The following GNA14 variants were observed in gnomAD, a reference collection of about 807,000 sequenced individuals.
The protein encoded by GNA14 is G protein subunit alpha 14.
A neutral mutation model predicts 42.0 loss-of-function variants in GNA14; 50 were observed. The ratio of observed to expected loss-of-function variants is 1.19; its 90% confidence interval spans 0.95 to 1.51. GNA14 has a LOEUF of 1.51. Among genes scored for constraint, GNA14 ranks in the 40% most tolerant of loss-of-function variants. GNA14 has a pLI of 0.00. For missense variants in GNA14, 473 were observed against 446.2 expected (o/e 1.06, Z -0.54); for synonymous variants, 173 against 163.1 (o/e 1.06, Z -0.46).
intron 1 of GNA14, among the ~76,000 whole-genome samples, chr9:77,638,334 A>C (rs773315377): frequency 2.0e-5 from 3 of 152,274 alleles, no homozygotes; most frequent in Non-Finnish European, 4.4e-5. Flanking sequence ...CAATTCCAAG[A>C]TAACAGCTAT....
chr9:77,512,160 T>C (rs1837181626), intron 2 of GNA14, among the ~76,000 whole-genome samples: 2 of 151,704 alleles, frequency 1.3e-5, no homozygotes, highest in South Asian at 4.2e-4. Context: ...CACAGGCATG[T>C]ACACAAAAAT....
At chr9:77,494,097 A>G (rs1005858468) in intron 2 of GNA14, among the ~76,000 whole-genome samples, 4 of 151,774 alleles carry the variant, frequency 2.6e-5, no homozygotes, top group Non-Finnish European at 5.9e-5. Flanking sequence ...ATTTTTTTTA[A>G]TCTTTAGTAG....
chr9:77,519,280 G>A (rs1281915609), intron 2 of GNA14, among the ~76,000 whole-genome samples: 7 of 151,966 alleles, frequency 4.6e-5, no homozygotes, highest in Non-Finnish European at 7.4e-5. Context: ...GCGTGGTGGC[G>A]GGTGCCTGTA....
chr9:77,618,600 A>ATG (rs1206937514), intron 1 of GNA14, among the ~76,000 whole-genome samples: 3 of 13,384 alleles, frequency 2.2e-4, no homozygotes, highest in Admixed American at 7.9e-4. Flanking sequence ...ATATATATAT[A>ATG]TATATATATA....
At position 77,636,523 on chromosome 9, in the gene GNA14, A is replaced by G. The variant is rs1044831864; in HGVS notation, c.124+11147T>C. 2.3e-4 allele frequency among the ~76,000 whole-genome samples: 35 copies of G among 152,224 alleles called. 2 individuals are homozygous for G. The highest frequency in any genetic ancestry group is 1.5e-5 in the Non-Finnish European group (1 of 68,042). Reference sequence around the variant, plus strand: ...TAAAGAAAAGAGGTTTATTTGGCTCATGAATCTCATGGCTAGAAAGCTCAA... The same window carrying G: ...TAAAGAAAAGAGGTTTATTTGGCTCGTGAATCTCATGGCTAGAAAGCTCAA... On this transcript the variant is annotated intron_variant, in intron 1 of 6. Coordinates refer to ENST00000341700, the MANE Select transcript of GNA14 (RefSeq NM_004297.4).
chr9:77,431,451 T>C lies in GNA14; in HGVS notation c.465-2A>G. The C allele has an allele frequency of 1.9e-6, 3 of 1,601,748 alleles. No individual in the cohort carries two copies. Among genetic ancestry groups the C allele is most frequent in the Non-Finnish European group, 2.6e-6 (3 of 1,171,016 alleles). Reference sequence around the variant, plus strand: ...ATGCGGTCAATGTCAGTCAGGTAACTGTATATTAGAGAACGAGGAACTGAC... The same window carrying C: ...ATGCGGTCAATGTCAGTCAGGTAACCGTATATTAGAGAACGAGGAACTGAC... On this transcript the variant is annotated splice_acceptor_variant, in intron 3 of 6. Transcript: ENST00000341700. LOFTEE classifies it high-confidence loss of function.
intron 1 of GNA14, among the ~76,000 whole-genome samples, chr9:77,632,060 C>T (rs929400978): frequency 6.6e-6 from 1 of 152,212 alleles, no homozygotes; most frequent in Non-Finnish European, 1.5e-5. Context: ...AAAACCACAG[C>T]TGCAGACCCA....
rs562574134 is a variant in GNA14 at position 77,513,615 on chromosome 9, G to A, written c.309+15454C>T. 3.3e-5 allele frequency among the ~76,000 whole-genome samples: 5 copies of A among 152,258 alleles called. No homozygotes were observed. The South Asian group carries it at 8.3e-4, about 25-fold the overall frequency. On this transcript the variant is annotated intron_variant, in intron 2 of 6. Transcript: ENST00000341700. ...ACACACTCAATAATTCCGTGAGGAG[G>A]CACAGCAATTGCATGACACTCCTGG...
At chr9:77,430,724 A>T (rs1835535051) in intron 4 of GNA14, among the ~76,000 whole-genome samples, 1 of 152,244 alleles carries the variant, frequency 6.6e-6, no homozygotes, top group Admixed American at 6.5e-5. Context: ...TGAAATGTGC[A>T]GTGCTACATA....
intron 1 of GNA14, among the ~76,000 whole-genome samples, chr9:77,634,528 C>T: frequency 6.6e-6 from 1 of 150,962 alleles, no homozygotes; most frequent in Non-Finnish European, 1.5e-5. Context: ...AGGGAGGAGG[C>T]AAAAAGGCAG....
At chr9:77,609,542 C>T (rs1459195203) in intron 1 of GNA14, among the ~76,000 whole-genome samples, 2 of 152,158 alleles carry the variant, frequency 1.3e-5, no homozygotes, top group African/African-American at 2.4e-5. Flanking sequence ...TGGCAGCACA[C>T]CATCCTTGGT....
At chr9:77,477,368 GAA>G (rs764543525) in intron 2 of GNA14, among the ~76,000 whole-genome samples, 1 of 152,094 alleles carries the variant, frequency 6.6e-6, no homozygotes, top group Non-Finnish European at 1.5e-5. Flanking sequence ...AGGAAAAAAA[GAA>G]AGAAAACAGA....
At chr9:77,617,828 T>G (rs1823848053) in intron 1 of GNA14, among the ~76,000 whole-genome samples, 1 of 152,070 alleles carries the variant, frequency 6.6e-6, no homozygotes, top group Admixed American at 6.5e-5. Flanking sequence ...CCTGGTACAT[T>G]GTTCCCTGGG....
chr9:77,644,028 TA>T, intron 1 of GNA14, among the ~76,000 whole-genome samples: 1 of 152,330 alleles, frequency 6.6e-6, no homozygotes, highest in East Asian at 1.9e-4. Context: ...TGGCTGAATT[TA>T]GTCCTCCCGC....
chr9:77,581,191 C>T (rs897952411), intron 1 of GNA14, among the ~76,000 whole-genome samples: 2 of 152,028 alleles, frequency 1.3e-5, no homozygotes, highest in African/African-American at 2.4e-5. Flanking sequence ...TCCCATTTAC[C>T]GGGACCACAT....
At chr9:77,534,960 C>A (rs540453397) in intron 1 of GNA14, among the ~76,000 whole-genome samples, 2 of 152,200 alleles carry the variant, frequency 1.3e-5, no homozygotes, top group African/African-American at 2.4e-5. Flanking sequence ...AGTGAGCAGG[C>A]GCTCTGATGA....
At chr9:77,556,222 C>T (rs778522553) in intron 1 of GNA14, among the ~76,000 whole-genome samples, 22 of 152,026 alleles carry the variant, frequency 1.4e-4, no homozygotes, top group East Asian at 7.7e-4. Context: ...ACAGTCTGGG[C>T]GACAATGTGA....
chr9:77,512,901 T>A lies in GNA14; in HGVS notation c.309+16168A>T, dbSNP rs559975449. 1.2e-4 allele frequency among the ~76,000 whole-genome samples: 19 copies of A among 152,348 alleles called. No homozygotes were observed. The South Asian group carries it at 3.7e-3, about 30-fold the overall frequency. ...TTCAATTAGCAAAATAAATTTGAAA[T>A]AATCTCTGGCTTGTTTACTTCTCTT... On this transcript the variant is annotated intron_variant, in intron 2 of 6. Transcript: ENST00000341700.
chr9:77,488,424 A>G (rs1836697555), intron 2 of GNA14, among the ~76,000 whole-genome samples: 2 of 152,172 alleles, frequency 1.3e-5, no homozygotes, highest in African/African-American at 2.4e-5. Flanking sequence ...AAAGATAAAT[A>G]TCACTGAGGA....
Sources: allele counts gnomAD v4.1 joint callset (sites outside exome capture counted in the v4.1 genomes callset), GRCh38; gene constraint gnomAD v4.1.1; transcripts MANE v1.5; gene names NCBI Gene and HGNC (gene_info 2026-07-23, HGNC 2026-07-21).